Variants in GPHN observed in about 807,000 individuals in gnomAD.
The protein encoded by GPHN is gephyrin.
In GPHN, 17 loss-of-function variants were observed where a neutral mutation model predicts 95.5. The ratio of observed to expected loss-of-function variants is 0.18; its 90% CI spans 0.12 to 0.27. GPHN has a LOEUF of 0.27. Ranked by LOEUF, GPHN falls within the 10% of genes least tolerant of loss-of-function variation. GPHN has a pLI of 1.00. For synonymous variants in GPHN, 320 were observed against 322.5 expected, an observed-to-expected ratio of 0.99 and a Z score of 0.08; for missense variants, 660 against 978.1, an observed-to-expected ratio of 0.67 and a Z score of 4.34.
chr14:67,095,696 G>A (rs1464958915), intron 12 of GPHN, among the ~76,000 whole-genome samples: 5 of 151,800 alleles, frequency 3.3e-5, no homozygotes, highest in East Asian at 3.9e-4. Context: ...ACCAAACACC[G>A]CATGTTCTCA....
the GPHN span, among the ~76,000 whole-genome samples, chr14:67,551,537 G>A: frequency 1.1e-3 from 167 of 152,252 alleles, no homozygotes; most frequent in African/African-American, 3.9e-3. Flanking sequence ...ACACTGTGGT[G>A]GAGTCAGTGA....
the GPHN span, among the ~76,000 whole-genome samples, chr14:67,560,740 T>C: frequency 6.6e-6 from 1 of 151,176 alleles, no homozygotes; most frequent in East Asian, 1.9e-4. Flanking sequence ...TTTTTTTTTT[T>C]TTTTTTTGAG....
chr14:67,223,836 A>C, the GPHN span: 1 of 985,536 alleles, frequency 1.0e-6, no homozygotes, highest in African/African-American at 1.8e-5. Context: ...TTCCCCTTCC[A>C]TACACTTTTA....
At chr14:66,957,613 G>C (rs968377389) in intron 8 of GPHN, among the ~76,000 whole-genome samples, 1 of 151,978 alleles carries the variant, frequency 6.6e-6, no homozygotes, top group African/African-American at 2.4e-5. Flanking sequence ...TAATATATAT[G>C]GTATATCCTC....
chr14:67,503,252 C>T, the GPHN span, among the ~76,000 whole-genome samples: 1 of 152,184 alleles, frequency 6.6e-6, no homozygotes, highest in African/African-American at 2.4e-5. Flanking sequence ...CAGAGATGGT[C>T]TCTGGCTTCT....
chr14:66,794,906 A>G (rs2060102618), intron 3 of GPHN, among the ~76,000 whole-genome samples: 1 of 152,070 alleles, frequency 6.6e-6, no homozygotes, highest in Non-Finnish European at 1.5e-5. Flanking sequence ...ACCACTTTTT[A>G]TGTGGATTTG....
At chr14:66,906,094 C>G (rs138093505) in intron 5 of GPHN, among the ~76,000 whole-genome samples, 5 of 151,560 alleles carry the variant, frequency 3.3e-5, no homozygotes, top group Non-Finnish European at 1.5e-5. Flanking sequence ...CTACCCTTCT[C>G]GGGTGAGGGA....
At chr14:67,666,507 C>T in the GPHN span, among the ~76,000 whole-genome samples, 1 of 152,172 alleles carries the variant, frequency 6.6e-6, no homozygotes, top group Non-Finnish European at 1.5e-5. Flanking sequence ...TAAAACAAAA[C>T]AAAACAGAAA....
At chr14:66,717,813 A>G (rs1344256334) in intron 2 of GPHN, among the ~76,000 whole-genome samples, 1 of 152,164 alleles carries the variant, frequency 6.6e-6, no homozygotes, top group Non-Finnish European at 1.5e-5. Flanking sequence ...ACCCGGCTCC[A>G]GGCTTGTACT....
chr14:67,028,727 TGTTTA>T (rs1356599428), intron 10 of GPHN, among the ~76,000 whole-genome samples: 1 of 152,190 alleles, frequency 6.6e-6, no homozygotes, highest in African/African-American at 2.4e-5. Flanking sequence ...GGGTTTTTGC[TGTTTA>T]GTTGTTTGAA....
At chr14:66,787,772 C>CA (rs554568137) in intron 3 of GPHN, among the ~76,000 whole-genome samples, 3,461 of 130,592 alleles carry the variant, frequency 0.027, 41 homozygotes, top group African/African-American at 0.046. Flanking sequence ...AATCAACAGG[C>CA]AAAAAAAAAA....
At chr14:67,456,963 A>C in the GPHN span, among the ~76,000 whole-genome samples, 31 of 152,242 alleles carry the variant, frequency 2.0e-4, no homozygotes, top group Non-Finnish European at 3.7e-4. Flanking sequence ...AAAGAACGAG[A>C]TCACGTCCTT....
At chr14:67,327,632 C>T in the GPHN span, among the ~76,000 whole-genome samples, 4 of 152,032 alleles carry the variant, frequency 2.6e-5, no homozygotes, top group Non-Finnish European at 4.4e-5. Flanking sequence ...AATGCTATCC[C>T]TCCCCTCTCC....
chr14:67,306,994 T>G, the GPHN span, among the ~76,000 whole-genome samples: 1 of 152,236 alleles, frequency 6.6e-6, no homozygotes, highest in Admixed American at 6.5e-5. Context: ...ACAAAATAAG[T>G]GTTATCTGAA....
At chr14:67,136,064 C>T (rs2080060552) in intron 17 of GPHN, among the ~76,000 whole-genome samples, 1 of 152,058 alleles carries the variant, frequency 6.6e-6, no homozygotes, top group South Asian at 2.1e-4. Context: ...GTTTTAATTG[C>T]TTATTATTGT....
chr14:67,316,639 T>C, the GPHN span, among the ~76,000 whole-genome samples: 3 of 152,160 alleles, frequency 2.0e-5, no homozygotes, highest in Non-Finnish European at 2.9e-5. Flanking sequence ...ATGGGATTGA[T>C]TGAGCAGAGT....
chr14:67,159,990 G>C (rs113808368), intron 19 of GPHN, among the ~76,000 whole-genome samples: 8,196 of 152,160 alleles, frequency 0.054, 229 homozygotes, highest in Middle Eastern at 0.068. Flanking sequence ...GTAGTATTAT[G>C]TCATCTAACA....
chr14:67,162,865 C>T (rs1040463138), intron 19 of GPHN, among the ~76,000 whole-genome samples: 1 of 152,192 alleles, frequency 6.6e-6, no homozygotes, highest in Non-Finnish European at 1.5e-5. Context: ...TGTGTTCCTC[C>T]ACTTAGTAGC....
chr14:67,009,469 C>A (rs2072834579), intron 9 of GPHN, among the ~76,000 whole-genome samples: 1 of 151,908 alleles, frequency 6.6e-6, no homozygotes. Context: ...ATAGAATATG[C>A]CTTTTTCAGC....
Sources: gnomAD v4.1 joint callset for allele counts (sites outside exome capture counted in the v4.1 genomes callset) on GRCh38, gnomAD v4.1.1 for gene constraint, MANE v1.5 for transcripts, NCBI Gene and HGNC (gene_info 2026-07-23, HGNC 2026-07-21) for gene names.